LRRTM4: variants seen among roughly 807,000 people sequenced by gnomAD.
LRRTM4 encodes leucine-rich repeat transmembrane neuronal protein 4.
LRRTM4 carries 25 observed loss-of-function variants against 47.6 expected under a neutral mutation model. That is an observed-to-expected ratio of 0.53 (90% CI 0.38 to 0.73). LRRTM4 has a LOEUF of 0.73. LRRTM4 is among the 30% of genes least tolerant of loss of function. The probability of loss-of-function intolerance (pLI) is 0.00; values close to 1 mark genes in which losing one functional copy is unlikely to be tolerated. For synonymous variants in LRRTM4, 311 were observed against 269.5 expected (o/e 1.15, Z -1.51); for missense variants, 638 against 713.4 (o/e 0.89, Z 1.20).
rs535626758 is a variant in LRRTM4, at chr2:77,100,401, G to A, written c.1552-351485C>T. On this transcript the variant is annotated intron_variant, in intron 3 of 3. Transcript: ENST00000409884. Reference sequence around the variant, plus strand: ...ACTGATGAAGTGTTCTTGCTTCAACGATGGAGCGCATTGCCTCCGAGTTGA... The same window carrying A: ...ACTGATGAAGTGTTCTTGCTTCAACAATGGAGCGCATTGCCTCCGAGTTGA... Among the ~76,000 whole-genome samples, 23 of 152,224 alleles carry A rather than the reference G, an allele frequency of 1.5e-4. No individual in the cohort carries two copies. In the South Asian group the frequency reaches 4.6e-3, roughly 30 times the overall value.
chr2:76,976,009 G>A (rs940203549), intron 3 of LRRTM4, among the ~76,000 whole-genome samples: 2 of 151,562 alleles, frequency 1.3e-5, no homozygotes, highest in African/African-American at 2.4e-5. Context: ...TAATTCTTTG[G>A]GGAAATGGTG....
chr2:77,099,455 G>A (rs1670894854), intron 3 of LRRTM4, among the ~76,000 whole-genome samples: 1 of 151,866 alleles, frequency 6.6e-6, no homozygotes, highest in South Asian at 2.1e-4. Flanking sequence ...ATATTTGGGT[G>A]TGTGTGTGTT....
intron 3 of LRRTM4, among the ~76,000 whole-genome samples, chr2:77,003,093 G>C (rs1677493084): frequency 6.6e-6 from 1 of 151,834 alleles, no homozygotes; most frequent in Non-Finnish European, 1.5e-5. Context: ...TTTATGTGTA[G>C]TTTTTACTTT....
At chr2:77,121,311 C>T (rs888426239) in intron 3 of LRRTM4, among the ~76,000 whole-genome samples, 7 of 151,566 alleles carry the variant, frequency 4.6e-5, no homozygotes, top group East Asian at 1.9e-4. Context: ...GACATCAGTA[C>T]GAACATGTTT....
At chr2:76,888,018 C>G (rs1246477695) in intron 3 of LRRTM4, among the ~76,000 whole-genome samples, 1 of 150,038 alleles carries the variant, frequency 6.7e-6, no homozygotes, top group African/African-American at 2.4e-5. Flanking sequence ...GTGTGTCCAT[C>G]TCTGCACACA....
chr2:77,406,546 C>A (rs977269123), intron 3 of LRRTM4, among the ~76,000 whole-genome samples: 1 of 152,066 alleles, frequency 6.6e-6, no homozygotes, highest in African/African-American at 2.4e-5. Context: ...AAGTTATCCT[C>A]CAACTTCGGC....
intron 3 of LRRTM4, among the ~76,000 whole-genome samples, chr2:77,064,230 G>T (rs1479863848): frequency 6.6e-6 from 1 of 152,082 alleles, no homozygotes; most frequent in African/African-American, 2.4e-5. Context: ...TTCCACCCTA[G>T]ATAATGTTGC....
At chr2:76,767,368 A>G (rs1673497846) in intron 3 of LRRTM4, among the ~76,000 whole-genome samples, 1 of 152,186 alleles carries the variant, frequency 6.6e-6, no homozygotes, top group African/African-American at 2.4e-5. Context: ...GCTTTATGTG[A>G]ATTGAAAACT....
At chr2:76,930,694 G>A (rs1002972703) in intron 3 of LRRTM4, among the ~76,000 whole-genome samples, 9 of 152,080 alleles carry the variant, frequency 5.9e-5, no homozygotes, top group Non-Finnish European at 1.2e-4. Flanking sequence ...TGGAATCAGA[G>A]GGCCAGAGTT....
intron 3 of LRRTM4, among the ~76,000 whole-genome samples, chr2:76,983,211 G>A (rs1676674560): frequency 6.6e-6 from 1 of 152,018 alleles, no homozygotes; most frequent in African/African-American, 2.4e-5. Context: ...CAAGGTAATG[G>A]TATGGTTAGA....
intron 3 of LRRTM4, among the ~76,000 whole-genome samples, chr2:77,078,367 A>G (rs1680415265): frequency 7.7e-6 from 1 of 129,838 alleles, no homozygotes; most frequent in Non-Finnish European, 1.5e-5. Flanking sequence ...ATGTTTGTCT[A>G]TTACACACAC....
chr2:76,838,136 G>A (rs1385093742), intron 3 of LRRTM4, among the ~76,000 whole-genome samples: 1 of 151,598 alleles, frequency 6.6e-6, no homozygotes, highest in East Asian at 1.9e-4. Context: ...ATTGGGGTAT[G>A]TTCAAACTAT....
intron 3 of LRRTM4, among the ~76,000 whole-genome samples, chr2:76,988,039 C>A (rs552441718): frequency 6.6e-6 from 1 of 151,816 alleles, no homozygotes; most frequent in African/African-American, 2.4e-5. Flanking sequence ...TTAGAGACTA[C>A]AGAGTCACTC....
At chr2:77,122,591 T>C (rs1347252467) in intron 3 of LRRTM4, among the ~76,000 whole-genome samples, 2 of 151,404 alleles carry the variant, frequency 1.3e-5, no homozygotes, top group Non-Finnish European at 3.0e-5. Context: ...ATTTTGGACA[T>C]GCACACACCA....
intron 3 of LRRTM4, among the ~76,000 whole-genome samples, chr2:77,117,738 G>C (rs1671425300): frequency 6.6e-6 from 1 of 151,714 alleles, no homozygotes; most frequent in Non-Finnish European, 1.5e-5. Flanking sequence ...AATATATATG[G>C]ACAGCTTTTT....
At chr2:77,041,699 T>G (rs1352715480) in intron 3 of LRRTM4, among the ~76,000 whole-genome samples, 2 of 151,288 alleles carry the variant, frequency 1.3e-5, no homozygotes, top group East Asian at 2.0e-4. Flanking sequence ...TCTATGTCTT[T>G]TTTTGAGAAG....
chr2:76,844,292 G>T (rs1163690969), intron 3 of LRRTM4, among the ~76,000 whole-genome samples: 1 of 151,644 alleles, frequency 6.6e-6, no homozygotes, highest in Admixed American at 6.6e-5. Context: ...ATGCCACCAC[G>T]CCCGGCTAAT....
intron 3 of LRRTM4, among the ~76,000 whole-genome samples, chr2:77,455,379 T>G (rs1006687680): frequency 6.6e-6 from 1 of 152,134 alleles, no homozygotes; most frequent in Non-Finnish European, 1.5e-5. Flanking sequence ...AGATCAGTTA[T>G]CAGTAATTTT....
chr2:76,822,616 A>C (rs1378531027), intron 3 of LRRTM4, among the ~76,000 whole-genome samples: 1 of 151,586 alleles, frequency 6.6e-6, no homozygotes, highest in Non-Finnish European at 1.5e-5. Flanking sequence ...TGAGGAACAA[A>C]AAATAAAATA....
Sources: allele counts gnomAD v4.1 joint callset (sites outside exome capture counted in the v4.1 genomes callset), GRCh38; gene constraint gnomAD v4.1.1; transcripts MANE v1.5; gene names NCBI Gene and HGNC (gene_info 2026-07-23, HGNC 2026-07-21).